Variants in KCTD3 observed in about 807,000 individuals in gnomAD.
KCTD3 encodes the protein potassium channel tetramerization domain containing 3.
KCTD3 carries 41 observed loss-of-function variants against 85.8 expected under a neutral mutation model. The observed-to-expected ratio is 0.48, with a 90% CI of 0.37 to 0.62. The LOEUF is 0.62. Among genes scored for constraint, KCTD3 ranks in the 20% least tolerant of loss-of-function variants. The pLI, the probability that KCTD3 is intolerant of heterozygous loss-of-function variation, is 0.00. For missense variants in KCTD3, 724 were observed against 989.9 expected (o/e 0.73, Z 3.60); for synonymous variants, 338 against 345.4 (o/e 0.98, Z 0.24).
chr1:215,614,037 T>G (rs1399850083), intron 15 of KCTD3, among the ~76,000 whole-genome samples: 1 of 140,226 alleles, frequency 7.1e-6, no homozygotes, highest in African/African-American at 2.7e-5. Flanking sequence ...TTTTTTTTTT[T>G]TTTTTTTTTT....
Position 215,619,198 on chromosome 1 carries a change from A to C in KCTD3, c.1793A>C (p.Gln598Pro). 6.2e-7 allele frequency: 1 copy of C among 1,613,848 alleles called. No homozygotes were observed. The change falls in exon 17 of 18, where the codon CAA becomes CCA. Residue 598 changes from glutamine to proline, a missense_variant. By Grantham distance (76) the Gln-to-Pro change is moderately conservative. Around this residue, in one of 6 missense-constraint regions of KCTD3, gnomAD observed 136 missense variants for 197.6 expected, o/e 0.69. Transcript: ENST00000259154. ...TEEELLKLLD[Q>P]CDLSTSRCAT... ...GAAGAGCTACTCAAATTACTCGATC[A>C]ATGTGATTTGAGCACATCTCGCTGT...
In KCTD3 at chr1:215,621,444, T is replaced by C. The variant is rs1390742751; in HGVS notation, c.*826T>C. 2.0e-5 allele frequency: 3 copies of C among 152,056 alleles called. No individual in the cohort carries two copies. The highest frequency in any genetic ancestry group is 7.2e-5 in the African/African-American group (3 of 41,434). 9.4% of individuals were successfully genotyped at this position (152,056 alleles called of 1,614,324 possible). On this transcript the variant is annotated 3_prime_UTR_variant, in exon 18 of 18. Transcript: ENST00000259154. ...TTTTTTTCAGTGTTAACAACAATCATGATAATTAAATTAAAACACTAGTTT... is the reference window on the plus strand; with the variant it reads ...TTTTTTTCAGTGTTAACAACAATCACGATAATTAAATTAAAACACTAGTTT...
At chr1:215,579,499 ATTT>A (rs780828089) in intron 7 of KCTD3, among the ~76,000 whole-genome samples, 5 of 137,998 alleles carry the variant, frequency 3.6e-5, no homozygotes, top group Non-Finnish European at 3.2e-5. Flanking sequence ...TAACAAAACT[ATTT>A]TTTTTTTTTT....
At position 215,587,133 on chromosome 1, in the gene KCTD3, C is replaced by CT. The variant is rs36018872; in HGVS notation, c.817+462dup. ...AATGTAGGTTATTTTCTTTTTTTTC[C>CT]TTTTTTTTTTTTTTGAGACTGAGTC... On this transcript the variant is annotated intron_variant, in intron 9 of 17. Transcript: ENST00000259154. Among the ~76,000 whole-genome samples the CT allele has an allele frequency of 4.6e-3, 656 of 142,184 alleles. 3 individuals are homozygous for CT. Among genetic ancestry groups the CT allele is most frequent in the East Asian group, 0.012 (61 of 4,928 alleles). The allele number at this position is 142,184 out of a possible 152,430, so 93.3% of individuals were successfully genotyped here.
intron 10 of KCTD3, among the ~76,000 whole-genome samples, chr1:215,599,320 T>G (rs935878641): frequency 4.6e-5 from 7 of 152,124 alleles, no homozygotes; most frequent in East Asian, 1.9e-4. Context: ...CGATGGTAAA[T>G]TTAGATAAGT....
rs376921002 is a variant in KCTD3 at position 215,604,100 on chromosome 1, T to C, written c.1139-32T>C. 2.7e-5 allele frequency: 42 copies of C among 1,541,110 alleles called. No individual in the cohort carries two copies. The African/African-American group carries it at 5.5e-4, about 20-fold the overall frequency. On this transcript the variant is annotated intron_variant, in intron 12 of 17. Coordinates refer to ENST00000259154, the MANE Select transcript of KCTD3 (RefSeq NM_016121.5). ...TAGCTTTTTTATTATCGTTCCATAA[T>C]GTATCACCTGTCAACTCTTGACTTT...
At position 215,595,414 on chromosome 1, in the gene KCTD3, G is replaced by A; in HGVS notation, c.876G>A (p.Val292=). 6.2e-7 allele frequency: 1 copy of A among 1,613,864 alleles called. No homozygotes were observed. The highest frequency in any genetic ancestry group is 1.1e-5 in the South Asian group (1 of 91,052). ...DALFFIGNQL[V]ATSHTGKVGV... ...TCTTCTTTATTGGTAACCAGTTGGTGGCCACGAGTCATACAGGGAAAGTGG... is the reference window on the plus strand; with the variant it reads ...TCTTCTTTATTGGTAACCAGTTGGTAGCCACGAGTCATACAGGGAAAGTGG... The change falls in exon 10 of 18, where the codon GTG becomes GTA. Residue 292 remains valine, a synonymous_variant. Transcript: ENST00000259154.
chr1:215,573,893 TA>T (rs1354816534), intron 2 of KCTD3, 54 bp downstream of exon 2: 4 of 1,171,176 alleles, frequency 3.4e-6, no homozygotes, highest in African/African-American at 1.6e-5. Flanking sequence ...TACCAAAATA[TA>T]ATAATGTTTG....
chr1:215,598,533 C>T (rs900015071), intron 10 of KCTD3, among the ~76,000 whole-genome samples: 10 of 151,976 alleles, frequency 6.6e-5, no homozygotes, highest in African/African-American at 2.2e-4. Flanking sequence ...CCTCCCAAAA[C>T]TTATAAACTT....
intron 15 of KCTD3, among the ~76,000 whole-genome samples, chr1:215,615,789 A>G (rs1655421913): frequency 6.6e-6 from 1 of 152,232 alleles, no homozygotes; most frequent in East Asian, 1.9e-4. Context: ...GAGAGCCTTC[A>G]GAATGAAGAC....
intron 13 of KCTD3, among the ~76,000 whole-genome samples, chr1:215,607,584 C>T (rs1019365010): frequency 6.6e-6 from 1 of 151,910 alleles, no homozygotes; most frequent in African/African-American, 2.4e-5. Context: ...TGACAAATGT[C>T]ATTTGTGCCA....
At position 215,579,020 on chromosome 1, in the gene KCTD3, A is replaced by C; in HGVS notation, c.418A>C (p.Asn140His). 1.3e-6 allele frequency: 2 copies of C among 1,561,066 alleles called. No homozygotes were observed. Among genetic ancestry groups the C allele is most frequent in the Non-Finnish European group, 1.7e-6 (2 of 1,160,334 alleles). ...PPPGIPSRKI[N>H]NTVRSADSRN... ...TATAGGTATTCCTAGTCGTAAAATAAACAACACAGTCAGATCTGCTGATTC... is the reference window on the plus strand; with the variant it reads ...TATAGGTATTCCTAGTCGTAAAATACACAACACAGTCAGATCTGCTGATTC... The change falls in exon 7 of 18, where the codon AAC becomes CAC. Residue 140 changes from asparagine (N) to histidine (H), a missense_variant. Transcript: ENST00000259154.
intron 13 of KCTD3, 31 bp downstream of exon 13, chr1:215,604,333 C>G: frequency 6.5e-7 from 1 of 1,549,242 alleles, no homozygotes; most frequent in Non-Finnish European, 8.9e-7. Flanking sequence ...TGGTAAGGAA[C>G]TTGGCTCTGT....
At chr1:215,589,582 C>T (rs1660138047) in intron 9 of KCTD3, among the ~76,000 whole-genome samples, 2 of 152,134 alleles carry the variant, frequency 1.3e-5, no homozygotes, top group South Asian at 2.1e-4. Flanking sequence ...ATTCCAGATT[C>T]CCAGAAGGAA....
In KCTD3 at chr1:215,569,760, CTT is replaced by C. The variant is rs1320567294; in HGVS notation, c.83+1993_83+1994del. ...TCTTGTGTTTACATTATTTATGAAA[CTT>C]GAGCTTATCAGGTTCTAATTTTTTC... On this transcript the variant is annotated intron_variant, in intron 1 of 17. Transcript: ENST00000259154. Among the ~76,000 whole-genome samples, 3 of 151,886 alleles carry C rather than the reference CTT, an allele frequency of 2.0e-5. No homozygotes were observed. In the East Asian group the frequency reaches 5.8e-4, roughly 29 times the overall value.
At chr1:215,586,872 A>G (rs554906470) in intron 9 of KCTD3, among the ~76,000 whole-genome samples, 187 bp downstream of exon 9, 2 of 152,300 alleles carry the variant, frequency 1.3e-5, no homozygotes, top group South Asian at 2.1e-4. Context: ...CATGGGGAAC[A>G]TCTTTTCACC....
At chr1:215,597,516 T>G (rs1288903114) in intron 10 of KCTD3, among the ~76,000 whole-genome samples, 1 of 152,210 alleles carries the variant, frequency 6.6e-6, no homozygotes, top group African/African-American at 2.4e-5. Context: ...AAAGGCATTA[T>G]GTACTTTACT....
intron 13 of KCTD3, among the ~76,000 whole-genome samples, chr1:215,605,835 G>A (rs1424555771): frequency 6.6e-6 from 1 of 152,018 alleles, no homozygotes; most frequent in African/African-American, 2.4e-5. Context: ...CACAAATCCA[G>A]TCACTTTTCA....
chr1:215,594,440 C>T (rs983889896), intron 9 of KCTD3, among the ~76,000 whole-genome samples: 6 of 152,188 alleles, frequency 3.9e-5, no homozygotes, highest in Non-Finnish European at 8.8e-5. Context: ...CTCTCACCTA[C>T]ACTTACTCTT....
Sources: gnomAD v4.1 joint callset for allele counts (sites outside exome capture counted in the v4.1 genomes callset) on GRCh38, gnomAD v4.1.1 for gene constraint, gnomAD v4.1.1 regional missense constraint, MANE v1.5 for transcripts, NCBI Gene and HGNC (gene_info 2026-07-23, HGNC 2026-07-21) for gene names.